The following PTPRD variants were observed in gnomAD, a reference collection of about 807,000 sequenced individuals.
PTPRD encodes the protein receptor-type tyrosine-protein phosphatase delta.
PTPRD carries 34 observed loss-of-function variants against 214.5 expected under a neutral mutation model. That is an observed-to-expected ratio of 0.16 (90% CI 0.12 to 0.21). PTPRD has a LOEUF of 0.21. PTPRD is among the 10% of genes least tolerant of loss of function. The pLI, the probability that PTPRD is intolerant of heterozygous loss-of-function variation, is 1.00. For synonymous variants in PTPRD, 1,128 were observed against 845.7 expected (o/e 1.33, Z -5.79); for missense variants, 2,545 against 2,398.7 (o/e 1.06, Z -1.27).
intron 2 of PTPRD, among the ~76,000 whole-genome samples, chr9:10,483,948 T>A (rs1361384853): frequency 2.6e-5 from 4 of 152,048 alleles, no homozygotes; most frequent in Non-Finnish European, 1.5e-5. Flanking sequence ...GGGAATTAAA[T>A]CATCATATCA....
At chr9:8,565,794 C>G (rs1425097034) in intron 14 of PTPRD, among the ~76,000 whole-genome samples, 1 of 152,114 alleles carries the variant, frequency 6.6e-6, no homozygotes, top group Admixed American at 6.6e-5. Flanking sequence ...TCAAAAAGAA[C>G]TGGGGTAAGT....
At chr9:9,341,720 G>T (rs2046874468) in intron 9 of PTPRD, among the ~76,000 whole-genome samples, 1 of 152,040 alleles carries the variant, frequency 6.6e-6, no homozygotes, top group Admixed American at 6.6e-5. Context: ...CTGTATTAAA[G>T]GATACCTGTT....
chr9:10,610,416 T>C (rs976513055), intron 2 of PTPRD, among the ~76,000 whole-genome samples: 1 of 152,206 alleles, frequency 6.6e-6, no homozygotes. Flanking sequence ...GTGTAAAATA[T>C]GTCCTATACT....
At chr9:8,454,623 A>G (rs756387291) in intron 33 of PTPRD, 1 of 1,611,116 alleles carries the variant, frequency 6.2e-7, no homozygotes, top group East Asian at 2.2e-5. Context: ...AAAAAAGGAA[A>G]AAGAAAGGCT....
chr9:8,996,867 C>A (rs933381563), intron 11 of PTPRD, among the ~76,000 whole-genome samples: 2 of 151,948 alleles, frequency 1.3e-5, no homozygotes, highest in Non-Finnish European at 2.9e-5. Context: ...ACATTTGGAC[C>A]ATAGCAGAGG....
At chr9:8,345,735 G>A (rs538430571) in intron 39 of PTPRD, among the ~76,000 whole-genome samples, 4 of 152,132 alleles carry the variant, frequency 2.6e-5, no homozygotes, top group East Asian at 1.9e-4. Context: ...GTTTGAAATC[G>A]AAATCAAAGA....
At chr9:8,664,769 T>C (rs1165617592) in intron 12 of PTPRD, among the ~76,000 whole-genome samples, 1 of 152,252 alleles carries the variant, frequency 6.6e-6, no homozygotes, top group Non-Finnish European at 1.5e-5. Flanking sequence ...CCCAGTCATA[T>C]TCATATACAA....
intron 7 of PTPRD, among the ~76,000 whole-genome samples, chr9:9,681,966 G>T (rs950361062): frequency 3.3e-5 from 5 of 151,742 alleles, no homozygotes; most frequent in African/African-American, 1.2e-4. Flanking sequence ...GCATTCTAGA[G>T]ATTAGGAAAG....
chr9:8,829,244 G>C (rs1320327855), intron 11 of PTPRD, among the ~76,000 whole-genome samples: 1 of 152,010 alleles, frequency 6.6e-6, no homozygotes. Context: ...ACCCCAGAAA[G>C]CTTGTTCATG....
At chr9:9,975,837 T>C (rs1420967545) in intron 4 of PTPRD, among the ~76,000 whole-genome samples, 1 of 152,194 alleles carries the variant, frequency 6.6e-6, no homozygotes, top group Non-Finnish European at 1.5e-5. Flanking sequence ...GTTTACTGCA[T>C]TAAAGTGGGG....
intron 35 of PTPRD, among the ~76,000 whole-genome samples, chr9:8,408,601 A>C (rs1453931005): frequency 6.6e-6 from 1 of 152,228 alleles, no homozygotes; most frequent in African/African-American, 2.4e-5. Flanking sequence ...AAATTATCAC[A>C]GAATTCACAA....
At chr9:8,610,113 T>C (rs1261932350) in intron 14 of PTPRD, among the ~76,000 whole-genome samples, 1 of 151,814 alleles carries the variant, frequency 6.6e-6, no homozygotes, top group African/African-American at 2.4e-5. Flanking sequence ...TTAAGTATTT[T>C]GGCATAGCAG....
intron 11 of PTPRD, among the ~76,000 whole-genome samples, chr9:8,953,170 C>T (rs2099112585): frequency 6.6e-6 from 1 of 151,714 alleles, no homozygotes; most frequent in Admixed American, 6.6e-5. Flanking sequence ...TTTCCTGTGG[C>T]ACATTTGTGC....
At chr9:9,483,600 C>G (rs1240466713) in intron 8 of PTPRD, among the ~76,000 whole-genome samples, 1 of 151,938 alleles carries the variant, frequency 6.6e-6, no homozygotes, top group South Asian at 2.1e-4. Context: ...AGAAAAACAT[C>G]ACATTTTGGT....
At chr9:9,810,052 C>A (rs1004531604) in intron 5 of PTPRD, among the ~76,000 whole-genome samples, 1 of 150,592 alleles carries the variant, frequency 6.6e-6, no homozygotes, top group African/African-American at 2.5e-5. Flanking sequence ...CCTTCCACCT[C>A]CCCTTCCTCC....
At chr9:9,705,319 T>A (rs891920261) in intron 7 of PTPRD, among the ~76,000 whole-genome samples, 2 of 152,204 alleles carry the variant, frequency 1.3e-5, no homozygotes, top group Non-Finnish European at 2.9e-5. Context: ...TCCATTATGA[T>A]TATCTTAATT....
intron 43 of PTPRD, among the ~76,000 whole-genome samples, chr9:8,336,152 A>G (rs538459888): frequency 2.0e-3 from 291 of 149,108 alleles, no homozygotes; most frequent in African/African-American, 6.7e-3. Context: ...CAAAGCCAAG[A>G]CAATCCTAAG....
chr9:9,823,937 T>C (rs957835592), intron 5 of PTPRD, among the ~76,000 whole-genome samples: 1 of 152,094 alleles, frequency 6.6e-6, no homozygotes, highest in Non-Finnish European at 1.5e-5. Flanking sequence ...GTTGATTTGA[T>C]CATTACACAT....
intron 5 of PTPRD, among the ~76,000 whole-genome samples, chr9:9,798,369 T>C (rs1268668098): frequency 6.6e-6 from 1 of 152,150 alleles, no homozygotes; most frequent in Admixed American, 6.5e-5. Context: ...CTACATTTGA[T>C]GAAGTAAATA....
Sources: gnomAD v4.1 joint callset for allele counts (sites outside exome capture counted in the v4.1 genomes callset) on GRCh38, gnomAD v4.1.1 for gene constraint, MANE v1.5 for transcripts, NCBI Gene and HGNC (gene_info 2026-07-23, HGNC 2026-07-21) for gene names.